The following PDXDC1 variants were observed in gnomAD, a reference collection of about 807,000 sequenced individuals.
The protein encoded by PDXDC1 is pyridoxal-dependent decarboxylase domain-containing protein 1.
Under a neutral mutation model 100.1 loss-of-function variants are expected in PDXDC1, and 42 were observed. That is an observed-to-expected ratio of 0.42 (90% CI 0.33 to 0.54). The LOEUF (loss-of-function observed/expected upper bound fraction) is 0.54. Ranked by LOEUF, PDXDC1 falls within the 20% of genes least tolerant of loss-of-function variation. The pLI, the probability that PDXDC1 is intolerant of heterozygous loss-of-function variation, is 0.10. For synonymous variants in PDXDC1, 260 were observed against 371.7 expected, an observed-to-expected ratio of 0.70 and a Z score of 3.46; for missense variants, 636 against 979.2, an observed-to-expected ratio of 0.65 and a Z score of 4.68.
rs1487709416 is a variant in PDXDC1, at chr16:15,127,486, C to T, written c.1400-11393C>T. On this transcript the variant is annotated intron_variant, in intron 16 of 16. Transcript: ENST00000535621. ...CCAGCCCACCTTGCTCCGGGACATC[C>T]AGAAGAGAAAGAGGATGGCCAGGTA... 4 of 1,567,654 alleles carry T rather than the reference C, an allele frequency of 2.6e-6. No homozygotes were observed. The South Asian group carries it at 3.4e-5, about 13-fold the overall frequency.
chr16:15,094,080 G>T (rs1294476813), intron 16 of PDXDC1: 1 of 1,400,696 alleles, frequency 7.1e-7, no homozygotes, highest in Non-Finnish European at 9.9e-7. Context: ...CTTTCAATCC[G>T]CTCCTCTAAG....
At chr16:15,038,478 G>A, downstream of PDXDC1, 1 of 728,056 alleles carries the variant, frequency 1.4e-6, no homozygotes, top group South Asian at 1.8e-5. Flanking sequence ...CCGCCAAAGG[G>A]AAAGCAGCTA....
At chr16:15,065,688 T>C (rs1286791587) in intron 16 of PDXDC1, among the ~76,000 whole-genome samples, 2 of 152,238 alleles carry the variant, frequency 1.3e-5, no homozygotes, top group African/African-American at 4.8e-5. Context: ...TAAAAATAAA[T>C]GTTTGCAAGG....
At chr16:15,047,776 A>G in intron 16 of PDXDC1, 1 of 1,231,458 alleles carries the variant, frequency 8.1e-7, no homozygotes, top group South Asian at 1.2e-5. Flanking sequence ...AGACACCAGG[A>G]AACTCAACAC....
chr16:15,063,318 A>C lies in PDXDC1; in HGVS notation c.1399+33262A>C, dbSNP rs776065129. 8 of 1,505,108 alleles carry C rather than the reference A, an allele frequency of 5.3e-6. No homozygotes were observed. The South Asian group carries it at 9.0e-5, about 17-fold the overall frequency. The allele number at this position is 1,505,108 out of a possible 1,614,324, so 93.2% of individuals were successfully genotyped here. A position where few individuals can be genotyped will look rare whatever the true frequency, so the allele number is the denominator to read the frequency against. On this transcript the variant is annotated intron_variant, in intron 16 of 16. Transcript: ENST00000535621. Reference sequence around the variant, plus strand: ...AAGATCACATTTCAAAGTCAAGTTAAATACTTCGGCAGAAGTCAAAATTGG... The same window carrying C: ...AAGATCACATTTCAAAGTCAAGTTACATACTTCGGCAGAAGTCAAAATTGG...
At chr16:14,981,263 C>T (rs1288666247) in intron 1 of PDXDC1, among the ~76,000 whole-genome samples, 1 of 152,278 alleles carries the variant, frequency 6.6e-6, no homozygotes, top group Non-Finnish European at 1.5e-5. Flanking sequence ...ACAGGAAAAG[C>T]ATTTCATCTT....
chr16:15,125,302 T>C, intron 16 of PDXDC1: 1 of 660,466 alleles, frequency 1.5e-6, no homozygotes, highest in Non-Finnish European at 2.6e-6. Flanking sequence ...GGGCGTTCCC[T>C]CGCTGGAGGG....
chr16:15,147,493 G>A, the PDXDC1 span, among the ~76,000 whole-genome samples: 1 of 152,214 alleles, frequency 6.6e-6, no homozygotes, highest in Non-Finnish European at 1.5e-5. Flanking sequence ...GCAGGGCCCG[G>A]CGTGGCCACC....
At chr16:15,069,108 A>G (rs1161523227) in intron 16 of PDXDC1, among the ~76,000 whole-genome samples, 1 of 152,242 alleles carries the variant, frequency 6.6e-6, no homozygotes, top group Non-Finnish European at 1.5e-5. Flanking sequence ...GTAAACATAT[A>G]TAATGCAACA....
At chr16:15,029,006 G>A (rs371050252) in intron 15 of PDXDC1, 40 bp downstream of exon 15, 63 of 1,595,054 alleles carry the variant, frequency 3.9e-5, no homozygotes, top group African/African-American at 5.4e-5. Context: ...TCAGGTCCCC[G>A]TCCATCACCA....
At chr16:15,076,984 T>C (rs1324505498) in intron 16 of PDXDC1, among the ~76,000 whole-genome samples, 1 of 150,994 alleles carries the variant, frequency 6.6e-6, no homozygotes, top group Non-Finnish European at 1.5e-5. Context: ...AAATCACTTT[T>C]TTTTTTTTTT....
At chr16:15,091,443 C>T (rs1209864968) in intron 16 of PDXDC1, 27 of 957,850 alleles carry the variant, frequency 2.8e-5, no homozygotes, top group Middle Eastern at 6.4e-4. Context: ...GACTTTTAAC[C>T]GTACTTTAAC....
At chr16:15,128,159 C>G (rs767130389) in intron 16 of PDXDC1, 2 of 1,610,236 alleles carry the variant, frequency 1.2e-6, no homozygotes, top group African/African-American at 1.3e-5. Context: ...GGAGGGAGGT[C>G]AGGCTCGCAG....
chr16:15,051,909 C>G (rs1020537724), intron 16 of PDXDC1, among the ~76,000 whole-genome samples: 2 of 152,042 alleles, frequency 1.3e-5, no homozygotes, highest in African/African-American at 2.4e-5. Context: ...TTTAGCCAAA[C>G]TTCCCTTCTT....
rs972805750 is a variant in PDXDC1, at chr16:14,989,635, C to T, written c.22-8118C>T. The T allele has an allele frequency of 3.0e-5, 48 of 1,598,204 alleles. No homozygotes were observed. In the Admixed American group the frequency reaches 8.1e-4, roughly 27 times the overall value. ...TCGCGGCCGGACCCCGCGGCAAGGC[C>T]AGAGACGGAGGCGGGCCCGGGGCCG... On this transcript the variant is annotated intron_variant, in intron 1 of 22. Coordinates refer to ENST00000396410, the MANE Select transcript of PDXDC1 (RefSeq NM_015027.4).
chr16:15,021,539 C>A (rs1181827119), intron 12 of PDXDC1, among the ~76,000 whole-genome samples: 1 of 152,276 alleles, frequency 6.6e-6, no homozygotes, highest in East Asian at 1.9e-4. Flanking sequence ...GACTTGGGCA[C>A]TCGGGAGATT....
intron 16 of PDXDC1, chr16:15,133,750 C>T (rs938668680): frequency 1.3e-6 from 2 of 1,596,150 alleles, no homozygotes; most frequent in African/African-American, 2.7e-5. Flanking sequence ...CGTGACGTCA[C>T]AGTCGGGGGA....
intron 16 of PDXDC1, chr16:15,045,696 T>C (rs967513701): frequency 1.3e-5 from 2 of 152,184 alleles, no homozygotes; most frequent in African/African-American, 4.8e-5. Context: ...ACAGTGAAGC[T>C]CTTGAGAAGT....
intron 16 of PDXDC1, among the ~76,000 whole-genome samples, chr16:15,043,361 T>A (rs1249280928): frequency 6.6e-6 from 1 of 152,192 alleles, no homozygotes; most frequent in Non-Finnish European, 1.5e-5. Context: ...TTAAGAGTTA[T>A]GGCGAGACCC....
Sources: gnomAD v4.1 joint callset for allele counts (sites outside exome capture counted in the v4.1 genomes callset) on GRCh38, gnomAD v4.1.1 for gene constraint, MANE v1.5 for transcripts, NCBI Gene and HGNC (gene_info 2026-07-23, HGNC 2026-07-21) for gene names.